SLC24A3: variants seen among roughly 807,000 people sequenced by gnomAD.
SLC24A3 encodes the protein solute carrier family 24 member 3.
In SLC24A3, 28 loss-of-function variants were observed where a neutral mutation model predicts 75.8. The ratio of observed to expected loss-of-function variants is 0.37; its 90% CI spans 0.27 to 0.51. The LOEUF (loss-of-function observed/expected upper bound fraction) is 0.51. Among genes scored for constraint, SLC24A3 ranks in the 20% least tolerant of loss-of-function variants. SLC24A3 has a pLI of 0.94. For synonymous variants in SLC24A3, 372 were observed against 334.1 expected, an observed-to-expected ratio of 1.11 and a Z score of -1.24; for missense variants, 663 against 847.8, an observed-to-expected ratio of 0.78 and a Z score of 2.71.
At chr20:19,443,736 A>G (rs1460363079) in intron 2 of SLC24A3, among the ~76,000 whole-genome samples, 1 of 152,182 alleles carries the variant, frequency 6.6e-6, no homozygotes, top group African/African-American at 2.4e-5. Flanking sequence ...AGGAAACATC[A>G]TTGCCTTACT....
chr20:19,631,038 GTATT>G (rs1283727044), intron 6 of SLC24A3, among the ~76,000 whole-genome samples: 4 of 152,168 alleles, frequency 2.6e-5, no homozygotes, highest in Non-Finnish European at 4.4e-5. Flanking sequence ...TGGATTTTAA[GTATT>G]TTATTATGAA....
intron 2 of SLC24A3, among the ~76,000 whole-genome samples, chr20:19,293,901 C>T (rs137895858): frequency 1.1e-4 from 16 of 151,174 alleles, no homozygotes; most frequent in African/African-American, 3.0e-4. Context: ...TTGGTATCCA[C>T]GGGGGATTGG....
At chr20:19,491,156 C>T (rs1477415162) in intron 2 of SLC24A3, among the ~76,000 whole-genome samples, 1 of 152,138 alleles carries the variant, frequency 6.6e-6, no homozygotes, top group Admixed American at 6.5e-5. Context: ...CATTTAGATG[C>T]CAGGGATAGC....
intron 2 of SLC24A3, among the ~76,000 whole-genome samples, chr20:19,457,462 A>T (rs192537056): frequency 6.6e-6 from 1 of 152,256 alleles, no homozygotes; most frequent in African/African-American, 2.4e-5. Flanking sequence ...ATTGAATTCC[A>T]TAAAAGAAAA....
At chr20:19,293,216 T>C (rs771713630) in intron 2 of SLC24A3, among the ~76,000 whole-genome samples, 1 of 152,156 alleles carries the variant, frequency 6.6e-6, no homozygotes, top group Non-Finnish European at 1.5e-5. Flanking sequence ...ATTTATTAAA[T>C]TGAGTTATTT....
At chr20:19,398,950 T>G (rs1440115194) in intron 2 of SLC24A3, among the ~76,000 whole-genome samples, 2 of 152,192 alleles carry the variant, frequency 1.3e-5, no homozygotes, top group African/African-American at 4.8e-5. Context: ...TCTATTTGCA[T>G]TAACGTTTTT....
At chr20:19,587,971 C>CT (rs934255133) in intron 6 of SLC24A3, among the ~76,000 whole-genome samples, 2 of 152,178 alleles carry the variant, frequency 1.3e-5, no homozygotes, top group Non-Finnish European at 2.9e-5. Context: ...ATTGATGGAA[C>CT]TTATCTAACA....
At chr20:19,249,821 C>T (rs1407843656) in intron 1 of SLC24A3, among the ~76,000 whole-genome samples, 1 of 152,154 alleles carries the variant, frequency 6.6e-6, no homozygotes, top group Non-Finnish European at 1.5e-5. Context: ...GCGAAATTTA[C>T]ACTTTTAGCA....
chr20:19,664,447 G>A (rs1169664879), intron 7 of SLC24A3, among the ~76,000 whole-genome samples: 2 of 152,200 alleles, frequency 1.3e-5, no homozygotes, highest in East Asian at 3.8e-4. Context: ...ATTTCCAATG[G>A]CTTGTTGGGA....
chr20:19,597,574 C>T (rs906062055), intron 6 of SLC24A3, among the ~76,000 whole-genome samples: 2 of 152,114 alleles, frequency 1.3e-5, no homozygotes, highest in Non-Finnish European at 2.9e-5. Flanking sequence ...ATGTTGGGAA[C>T]GTTTCAAGTC....
intron 2 of SLC24A3, among the ~76,000 whole-genome samples, chr20:19,370,816 C>A (rs185687191): frequency 7.9e-5 from 12 of 152,226 alleles, no homozygotes; most frequent in Non-Finnish European, 1.5e-4. Context: ...TGGGAGTTCT[C>A]ACAGTATTGT....
intron 1 of SLC24A3, among the ~76,000 whole-genome samples, chr20:19,246,647 T>G (rs1982494242): frequency 6.6e-6 from 1 of 152,190 alleles, no homozygotes; most frequent in Non-Finnish European, 1.5e-5. Flanking sequence ...ATATGTTTAT[T>G]TAAATCTATG....
At chr20:19,539,639 A>G (rs866320894) in intron 3 of SLC24A3, among the ~76,000 whole-genome samples, 5 of 152,212 alleles carry the variant, frequency 3.3e-5, no homozygotes, top group Non-Finnish European at 5.9e-5. Flanking sequence ...TCCCCATCAT[A>G]AGGGTCTCAA....
At chr20:19,551,566 G>C (rs973187321) in intron 3 of SLC24A3, among the ~76,000 whole-genome samples, 1 of 152,118 alleles carries the variant, frequency 6.6e-6, no homozygotes, top group Non-Finnish European at 1.5e-5. Context: ...TGGTGGAGTT[G>C]CTATAACATG....
At position 19,513,736 on chromosome 20, in the gene SLC24A3, T is replaced by TAAAAAAA. The variant is rs74180954; in HGVS notation, c.272-1751_272-1750insAAAAAAA. ...ACACAGGTGGGTCTTGCTTTTTTTTTAGAAAAAAAAAAAAAGCCTTTTTGA... is the reference window on the plus strand; with the variant it reads ...ACACAGGTGGGTCTTGCTTTTTTTTTAAAAAAAAGAAAAAAAAAAAAAGCCTTTTTGA... On this transcript the variant is annotated intron_variant, in intron 2 of 16. Transcript: ENST00000328041. Among the ~76,000 whole-genome samples the TAAAAAAA allele has an allele frequency of 1.0e-3, 126 of 123,280 alleles. 1 individual carries two copies. Among genetic ancestry groups the TAAAAAAA allele is most frequent in the Middle Eastern group, 4.7e-3 (1 of 212 alleles). The allele number at this position is 123,280 out of a possible 152,430, so 80.9% of individuals were successfully genotyped here. A position where few individuals can be genotyped will look rare whatever the true frequency, so the allele number is the denominator to read the frequency against.
chr20:19,527,740 C>T (rs573052686), intron 3 of SLC24A3, among the ~76,000 whole-genome samples: 1 of 152,298 alleles, frequency 6.6e-6, no homozygotes, highest in Admixed American at 6.5e-5. Flanking sequence ...ACTCAGAGCC[C>T]TTTCTGAACA....
chr20:19,454,101 G>A (rs1198390000), intron 2 of SLC24A3, among the ~76,000 whole-genome samples: 1 of 152,208 alleles, frequency 6.6e-6, no homozygotes, highest in Non-Finnish European at 1.5e-5. Context: ...TGGGGGTTAA[G>A]AAGCAGTGCT....
At chr20:19,683,946 T>C (rs1401854557) in intron 10 of SLC24A3, among the ~76,000 whole-genome samples, 3 of 151,774 alleles carry the variant, frequency 2.0e-5, no homozygotes, top group Non-Finnish European at 4.4e-5. Flanking sequence ...GAAGAGTGGA[T>C]GGATGGATGG....
chr20:19,212,978 C>T lies in SLC24A3; in HGVS notation c.136C>T (p.Gln46Ter). The T allele has an allele frequency of 7.7e-7, 1 of 1,292,166 alleles. No homozygotes were observed. The highest frequency in any genetic ancestry group is 9.8e-7 in the Non-Finnish European group (1 of 1,017,944). The allele number at this position is 1,292,166 out of a possible 1,614,324, so 80.0% of individuals were successfully genotyped here. A position where few individuals can be genotyped will look rare whatever the true frequency, so the allele number is the denominator to read the frequency against. The change falls in exon 1 of 17, where the codon CAG becomes TAG. Residue 46 changes from glutamine (Q) to a stop codon, truncating the protein, a stop_gained. Coordinates refer to ENST00000328041, the MANE Select transcript of SLC24A3 (RefSeq NM_020689.4). LOFTEE classifies it high-confidence loss of function. Reference sequence around the variant, plus strand: ...CTGGTCGCTGTCGAGCCTGCGAGAGCAGAAGGGTGAGTGCACGCTGCCTGC... The same window carrying T: ...CTGGTCGCTGTCGAGCCTGCGAGAGTAGAAGGGTGAGTGCACGCTGCCTGC... The part of the protein sequence containing the change: ...LLWSLSSLRE[Q>*]KELDLMDLVG...
Sources: gnomAD v4.1 joint callset for allele counts (sites outside exome capture counted in the v4.1 genomes callset) on GRCh38, gnomAD v4.1.1 for gene constraint, MANE v1.5 for transcripts, NCBI Gene and HGNC (gene_info 2026-07-23, HGNC 2026-07-21) for gene names.